TAF1A: variants seen among roughly 807,000 people sequenced by gnomAD.
TAF1A encodes TATA-box binding protein associated factor, RNA polymerase I subunit A, also known as TATA box-binding protein-associated factor RNA polymerase I subunit A.
A neutral mutation model predicts 61.6 loss-of-function variants in TAF1A; 42 were observed. That is an observed-to-expected ratio of 0.68 (90% CI 0.53 to 0.88). The LOEUF is 0.88. Ranked by LOEUF, TAF1A falls within the 40% of genes least tolerant of loss-of-function variation. The pLI is 0.00. For missense variants in TAF1A, 424 were observed against 518.7 expected (o/e 0.82, Z 1.77); for synonymous variants, 179 against 177.7 (o/e 1.01, Z -0.06).
At chr1:222,575,257 A>T (rs1347125091) in intron 5 of TAF1A, among the ~76,000 whole-genome samples, 1 of 152,124 alleles carries the variant, frequency 6.6e-6, no homozygotes, top group Non-Finnish European at 1.5e-5. Flanking sequence ...ATGGTGGTTC[A>T]CGCCTGTAAT....
chr1:222,579,706 T>C, intron 4 of TAF1A, 53 bp downstream of exon 4: 1 of 1,572,512 alleles, frequency 6.4e-7, no homozygotes, highest in Non-Finnish European at 8.6e-7. Context: ...CACAAGCAAT[T>C]AGAAAAAAAA....
At chr1:222,554,397 G>A (rs1042063051), downstream of TAF1A, among the ~76,000 whole-genome samples, 4 of 152,204 alleles carry the variant, frequency 2.6e-5, no homozygotes, top group Admixed American at 2.6e-4. Context: ...TTACCTGGTG[G>A]CAGATTGGTT....
intron 5 of TAF1A, among the ~76,000 whole-genome samples, chr1:222,572,091 C>T (rs560243359): frequency 2.0e-4 from 31 of 152,022 alleles, no homozygotes; most frequent in African/African-American, 2.7e-4. Context: ...TGGTGGCACA[C>T]GCCTGTAGTC....
chr1:222,577,390 G>A (rs1660612595), intron 5 of TAF1A, 55 bp downstream of exon 5: 1 of 1,436,128 alleles, frequency 7.0e-7, no homozygotes, highest in Admixed American at 1.7e-5. Flanking sequence ...TACTCCTTAA[G>A]ATCCCTCTGC....
Position 222,570,605 on chromosome 1 carries a change from G to C in TAF1A, c.665C>G (p.Thr222Arg). The C allele has an allele frequency of 6.2e-7, 1 of 1,613,126 alleles. No homozygotes were observed. Residue 222 changes from threonine (T) to arginine (R), a missense_variant, in exon 6 of 11, where the codon ACA becomes AGA. Physicochemically the swap from Thr to Arg is moderately conservative, Grantham distance 71. Coordinates refer to ENST00000352967, the MANE Select transcript of TAF1A (RefSeq NM_005681.4). ...AATCAATGCAGAAATATTTGCAGAT[G>C]TCTTCCAGCTGTGGTTGAACACATC... ...AQDVFNHSWK[T>R]SANISALIKI... is the part of the protein sequence containing the mutation.
At chr1:222,563,671 T>C (rs1660002012) in intron 8 of TAF1A, among the ~76,000 whole-genome samples, 1 of 152,214 alleles carries the variant, frequency 6.6e-6, no homozygotes, top group South Asian at 2.1e-4. Context: ...GCCAGCTGAT[T>C]TTCTTCTATG....
At chr1:222,588,974 C>T (rs2936027) in intron 1 of TAF1A, among the ~76,000 whole-genome samples, 17,214 of 152,186 alleles carry the variant, frequency 0.11, 1,111 homozygotes, top group Non-Finnish European at 0.15. Context: ...CACAGCAATC[C>T]TGAGGTGGGT....
downstream of TAF1A, among the ~76,000 whole-genome samples, chr1:222,554,751 G>T (rs868732518): frequency 1.3e-5 from 2 of 152,214 alleles, no homozygotes; most frequent in Middle Eastern, 6.8e-3. Flanking sequence ...TGAGGCCCAG[G>T]CTAGGTGGGG....
intron 5 of TAF1A, among the ~76,000 whole-genome samples, chr1:222,576,782 A>G (rs1260846860): frequency 1.3e-5 from 2 of 152,254 alleles, no homozygotes; most frequent in African/African-American, 4.8e-5. Context: ...CACAGGAAGA[A>G]ATGTTTATTA....
Position 222,570,652 on chromosome 1 carries a change from A to G in TAF1A, c.618T>C (p.Tyr206=), listed in dbSNP as rs766122223. Residue 206 remains tyrosine, a synonymous_variant, in exon 6 of 11, where the codon TAT becomes TAC. Transcript: ENST00000352967. The stretch of plus-strand genomic sequence containing the variant: ...CATCCTGGGCTACTGCATTGTAAGC[A>G]TAATCATCCTTATCTGCCCAAAGAT... ...MELSKLDKDD[Y]AYNAVAQDVF... is the part of the protein sequence containing the mutation. 6 of 1,607,012 alleles carry G rather than the reference A, an allele frequency of 3.7e-6. No individual in the cohort carries two copies. In the East Asian group the frequency reaches 1.1e-4, roughly 30 times the overall value.
At chr1:222,576,911 C>G (rs1660592863) in intron 5 of TAF1A, among the ~76,000 whole-genome samples, 1 of 152,204 alleles carries the variant, frequency 6.6e-6, no homozygotes, top group Non-Finnish European at 1.5e-5. Flanking sequence ...AGGCCTCAAA[C>G]TTGGCCAATA....
chr1:222,587,257 T>C (rs960203603), intron 2 of TAF1A, among the ~76,000 whole-genome samples: 1 of 152,200 alleles, frequency 6.6e-6, no homozygotes, highest in Non-Finnish European at 1.5e-5. Context: ...ATATATTGTC[T>C]CATTTTTAAA....
At chr1:222,569,953 G>A (rs1032014198) in intron 6 of TAF1A, among the ~76,000 whole-genome samples, 13 of 152,278 alleles carry the variant, frequency 8.5e-5, no homozygotes, top group African/African-American at 3.1e-4. Flanking sequence ...CAAAAGGAGT[G>A]CATGAGAATT....
At chr1:222,585,898 T>C (rs564032035) in intron 2 of TAF1A, among the ~76,000 whole-genome samples, 3 of 152,296 alleles carry the variant, frequency 2.0e-5, no homozygotes, top group African/African-American at 7.2e-5. Context: ...AAGTAATATA[T>C]AGTCATTTAA....
In TAF1A at chr1:222,584,080, ACT is replaced by A. The variant is rs753879459; in HGVS notation, c.291+46_291+47del. On this transcript the variant is annotated intron_variant, in intron 3 of 10. Transcript: ENST00000352967. ...ACTGTAGGTGAAGCTGTAGGCATAA[ACT>A]TCTGGGAATCTATCATTTCTTCCAG... 14 of 1,586,412 alleles carry A rather than the reference ACT, an allele frequency of 8.8e-6. No individual in the cohort carries two copies. In the African/African-American group the frequency reaches 1.9e-4, roughly 22 times the overall value.
At chr1:222,574,439 T>C (rs1336204658) in intron 5 of TAF1A, among the ~76,000 whole-genome samples, 1 of 152,154 alleles carries the variant, frequency 6.6e-6, no homozygotes, top group Non-Finnish European at 1.5e-5. Context: ...AAGAGTTTAG[T>C]ATATTATGTA....
chr1:222,568,213 T>C (rs758649233), intron 7 of TAF1A, among the ~76,000 whole-genome samples: 2 of 150,602 alleles, frequency 1.3e-5, no homozygotes, highest in Non-Finnish European at 3.0e-5. Flanking sequence ...CTTCATTATC[T>C]TGAGATAGGC....
At chr1:222,569,177 C>T (rs2102649334) in intron 7 of TAF1A, 1 of 925,964 alleles carries the variant, frequency 1.1e-6, no homozygotes, top group Non-Finnish European at 1.4e-6. Flanking sequence ...GAATGTAACG[C>T]ATCCAAGCAC....
chr1:222,578,310 A>G (rs1323691860), intron 4 of TAF1A, among the ~76,000 whole-genome samples: 1 of 152,200 alleles, frequency 6.6e-6, no homozygotes, highest in Non-Finnish European at 1.5e-5. Context: ...TACTGCAATA[A>G]GTTGTCAACT....
Sources: gnomAD v4.1 joint callset for allele counts (sites outside exome capture counted in the v4.1 genomes callset) on GRCh38, gnomAD v4.1.1 for gene constraint, MANE v1.5 for transcripts, NCBI Gene and HGNC (gene_info 2026-07-23, HGNC 2026-07-21) for gene names.